SLC23A2: variants seen among roughly 807,000 people sequenced by gnomAD.
SLC23A2 encodes solute carrier family 23 member 2.
A neutral mutation model predicts 73.3 loss-of-function variants in SLC23A2; 36 were observed. The ratio of observed to expected loss-of-function variants is 0.49; its 90% CI spans 0.38 to 0.65. The LOEUF (loss-of-function observed/expected upper bound fraction) is 0.65. SLC23A2 is among the 30% of genes least tolerant of loss of function. SLC23A2 has a pLI of 0.00. For synonymous variants in SLC23A2, 343 were observed against 327.3 expected, an observed-to-expected ratio of 1.05 and a Z score of -0.52; for missense variants, 507 against 841.6, an observed-to-expected ratio of 0.60 and a Z score of 4.92.
At chr20:4,957,447 C>T (rs940713682) in intron 2 of SLC23A2, among the ~76,000 whole-genome samples, 2 of 151,368 alleles carry the variant, frequency 1.3e-5, no homozygotes, top group African/African-American at 4.9e-5. Flanking sequence ...GATGACAGAG[C>T]GACACTATCT....
At chr20:4,917,973 G>T (rs539949646) in intron 3 of SLC23A2, among the ~76,000 whole-genome samples, 6 of 152,226 alleles carry the variant, frequency 3.9e-5, no homozygotes, top group African/African-American at 1.4e-4. Context: ...TACTCTAATG[G>T]CCTATTTTTA....
In SLC23A2 at chr20:4,902,653, T is replaced by C. The variant is rs1487669406; in HGVS notation, c.208-95A>G. 2 of 605,742 alleles carry C rather than the reference T, an allele frequency of 3.3e-6. No individual in the cohort carries two copies. Among genetic ancestry groups the C allele is most frequent in the Admixed American group, 5.9e-5 (2 of 34,116 alleles). The allele number at this position is 605,742 out of a possible 1,614,324, so 37.5% of individuals were successfully genotyped here. A position where few individuals can be genotyped will look rare whatever the true frequency, so the allele number is the denominator to read the frequency against. ...GGCCACTATTACAGAAAAACAACTT[T>C]ATCAAGTGGTTGCCATCTTCCTGCA... is the stretch of plus-strand genomic sequence containing the variant. On this transcript the variant is annotated intron_variant, in intron 4 of 16. Transcript: ENST00000338244. The surrounding 1 kb of genome is among the most constrained non-coding windows in gnomAD (Gnocchi z 4.0).
intron 2 of SLC23A2, among the ~76,000 whole-genome samples, chr20:4,953,796 G>A (rs2087240026): frequency 6.6e-6 from 1 of 152,146 alleles, no homozygotes; most frequent in Non-Finnish European, 1.5e-5. Flanking sequence ...GGCTGAGACA[G>A]GAGAATCACT....
chr20:4,997,580 G>A (rs2088045236), intron 1 of SLC23A2, among the ~76,000 whole-genome samples: 2 of 152,110 alleles, frequency 1.3e-5, no homozygotes. Context: ...GCCTTTAGGA[G>A]GTAACCAAGT....
intron 1 of SLC23A2, among the ~76,000 whole-genome samples, chr20:5,007,959 G>A (rs528259134): frequency 6.6e-6 from 1 of 151,376 alleles, no homozygotes; most frequent in Non-Finnish European, 1.5e-5. Context: ...GCCCAGGCTA[G>A]AGTGCAATGG....
In SLC23A2 at chr20:4,919,978, AG is replaced by A. The variant is rs1044635878; in HGVS notation, c.109-7001del. ...AGATATACATTAAAACTATGATGAG[AG>A]GCCGGGTGCGGTGGCTCACGCCTGT... On this transcript the variant is annotated intron_variant, in intron 3 of 16. Transcript: ENST00000338244. Among the ~76,000 whole-genome samples the A allele has an allele frequency of 3.3e-4, 50 of 152,306 alleles. 1 individual carries two copies. The highest frequency in any genetic ancestry group is 1.1e-3 in the African/African-American group (45 of 41,576).
chr20:4,987,801 A>G (rs1039523477), intron 1 of SLC23A2, among the ~76,000 whole-genome samples: 9 of 151,324 alleles, frequency 5.9e-5, no homozygotes, highest in African/African-American at 2.2e-4. Context: ...TGAGCCGATC[A>G]CGCCACTGTG....
Position 5,008,879 on chromosome 20 carries a change from T to G in SLC23A2, c.-282+1303A>C, listed in dbSNP as rs552991931. On this transcript the variant is annotated intron_variant, in intron 1 of 16. Coordinates refer to the SLC23A2 transcript ENST00000379333. Reference sequence around the variant, plus strand: ...ACCACGCTCGGCCCTACCACCCTTGTCTTTGGAAAGTTTACATCCTCCCAG... The same window carrying G: ...ACCACGCTCGGCCCTACCACCCTTGGCTTTGGAAAGTTTACATCCTCCCAG... Among the ~76,000 whole-genome samples the G allele has an allele frequency of 8.5e-5, 13 of 152,278 alleles. No homozygotes were observed. In the South Asian group the frequency reaches 2.1e-3, roughly 24 times the overall value.
At chr20:4,892,434 G>A (rs1399824794) in intron 6 of SLC23A2, among the ~76,000 whole-genome samples, 4 of 151,356 alleles carry the variant, frequency 2.6e-5, no homozygotes, top group Non-Finnish European at 5.9e-5. Flanking sequence ...TGATCCGCCC[G>A]CCTCAGCCTC....
chr20:4,900,888 G>A (rs189298136), intron 5 of SLC23A2, among the ~76,000 whole-genome samples: 14 of 152,116 alleles, frequency 9.2e-5, no homozygotes, highest in East Asian at 3.9e-4. Flanking sequence ...TCCTGCCCAC[G>A]TTAGCCAAAC....
rs567446974 is a variant in SLC23A2, at chr20:4,899,282, C to T, written c.482+273G>A. Among the ~76,000 whole-genome samples the T allele has an allele frequency of 7.9e-4, 120 of 152,046 alleles. No individual in the cohort carries two copies. Among genetic ancestry groups the T allele is most frequent in the Non-Finnish European group, 1.4e-3 (97 of 67,976 alleles). On this transcript the variant is annotated intron_variant, in intron 6 of 16. Transcript: ENST00000338244. The surrounding 1 kb of genome is among the most constrained non-coding windows in gnomAD (Gnocchi z 4.9). Reference sequence around the variant, plus strand: ...AGGGGCACAGAGGGGTGCTGGGGAGCGAGCATGACTTGCCAAGGGGGCAGG... The same window carrying T: ...AGGGGCACAGAGGGGTGCTGGGGAGTGAGCATGACTTGCCAAGGGGGCAGG...
chr20:4,942,914 A>G (rs541890127), intron 2 of SLC23A2, among the ~76,000 whole-genome samples: 17 of 152,198 alleles, frequency 1.1e-4, no homozygotes, highest in African/African-American at 3.1e-4. Flanking sequence ...CCCAAAGAGT[A>G]GAATCCCCCT....
intron 1 of SLC23A2, among the ~76,000 whole-genome samples, chr20:4,988,560 A>T (rs2087868645): frequency 6.6e-6 from 1 of 151,502 alleles, no homozygotes; most frequent in Admixed American, 6.6e-5. Flanking sequence ...ACATAGTGAA[A>T]CCCTGTCTCT....
intron 2 of SLC23A2, among the ~76,000 whole-genome samples, chr20:4,933,600 G>A (rs934323302): frequency 2.0e-5 from 3 of 151,926 alleles, no homozygotes; most frequent in Non-Finnish European, 4.4e-5. Flanking sequence ...CTGCACTCTA[G>A]CCCGGATGAT....
chr20:4,995,938 C>A lies in SLC23A2; in HGVS notation c.-282+5468G>T, dbSNP rs1568661988. 2.0e-5 allele frequency among the ~76,000 whole-genome samples: 3 copies of A among 152,278 alleles called. No individual in the cohort carries two copies. In the East Asian group the frequency reaches 5.8e-4, roughly 29 times the overall value. On this transcript the variant is annotated intron_variant, in intron 1 of 16. Coordinates refer to ENST00000338244, the MANE Select transcript of SLC23A2 (RefSeq NM_005116.6). ...TTCTATACTAACGAGAACTTAGAAA[C>A]CCTGAGTTTCAGATGAGAGCTGGGA... is the stretch of plus-strand genomic sequence containing the variant.
chr20:4,859,244 T>A (rs6052940), intron 16 of SLC23A2, 45 bp downstream of exon 16: 140,438 of 1,109,712 alleles, frequency 0.13, 12,141 homozygotes, highest in African/African-American at 0.5. Context: ...ACACATATGT[T>A]AAAAAATAAA....
At chr20:4,944,112 A>G (rs2087082500) in intron 2 of SLC23A2, among the ~76,000 whole-genome samples, 1 of 152,254 alleles carries the variant, frequency 6.6e-6, no homozygotes, top group African/African-American at 2.4e-5. Context: ...TGTAAACACT[A>G]TCGCAATAAA....
At chr20:4,995,061 T>C (rs1346198347) in intron 1 of SLC23A2, among the ~76,000 whole-genome samples, 1 of 152,152 alleles carries the variant, frequency 6.6e-6, no homozygotes, top group Non-Finnish European at 1.5e-5. Context: ...CCAAGAACTC[T>C]GAGATGAAAT....
At chr20:4,942,124 T>G (rs1234850944) in intron 2 of SLC23A2, among the ~76,000 whole-genome samples, 1 of 152,184 alleles carries the variant, frequency 6.6e-6, no homozygotes, top group Non-Finnish European at 1.5e-5. Flanking sequence ...CTGGTTCCCC[T>G]TACAGCATCT....
Sources: allele counts gnomAD v4.1 joint callset (sites outside exome capture counted in the v4.1 genomes callset), GRCh38; gene constraint gnomAD v4.1.1; non-coding constraint Gnocchi (gnomAD v3.1); transcripts MANE v1.5; gene names NCBI Gene and HGNC (gene_info 2026-07-23, HGNC 2026-07-21).